The following DNAAF9 variants were observed in gnomAD, a reference collection of about 807,000 sequenced individuals.
DNAAF9 encodes the protein shulin.
A neutral mutation model predicts 167.0 loss-of-function variants in DNAAF9; 90 were observed. The ratio of observed to expected loss-of-function variants is 0.54; its 90% CI spans 0.45 to 0.64. The LOEUF (loss-of-function observed/expected upper bound fraction) is 0.64, where lower values mean the gene tolerates loss of function less well. DNAAF9 is among the 30% of genes least tolerant of loss of function. The probability of loss-of-function intolerance (pLI) is 0.00; values close to 1 mark genes in which losing one functional copy is unlikely to be tolerated. For missense variants in DNAAF9, 1,315 were observed against 1,442.2 expected, an observed-to-expected ratio of 0.91 and a Z score of 1.43; for synonymous variants, 491 against 508.8, an observed-to-expected ratio of 0.96 and a Z score of 0.47.
chr20:3,296,126 G>A (rs2069072982), intron 23 of DNAAF9: 2 of 645,690 alleles, frequency 3.1e-6, no homozygotes, highest in Non-Finnish European at 6.0e-6. Flanking sequence ...ACATGTACAA[G>A]GTAAATTAGC....
At chr20:3,276,734 T>C (rs2068681235) in intron 29 of DNAAF9, among the ~76,000 whole-genome samples, 1 of 152,112 alleles carries the variant, frequency 6.6e-6, no homozygotes, top group Non-Finnish European at 1.5e-5. Flanking sequence ...GTGCCAATCA[T>C]CACACGGTGG....
At chr20:3,327,819 C>T (rs949368522) in intron 12 of DNAAF9, among the ~76,000 whole-genome samples, 7 of 152,180 alleles carry the variant, frequency 4.6e-5, no homozygotes, top group Admixed American at 3.9e-4. Flanking sequence ...GGCTCCTGCA[C>T]CACATGCAGG....
At chr20:3,272,637 T>C (rs998398906) in intron 29 of DNAAF9, among the ~76,000 whole-genome samples, 3 of 152,194 alleles carry the variant, frequency 2.0e-5, no homozygotes, top group African/African-American at 7.2e-5. Context: ...TCTCCCATTC[T>C]GAAAGATGTA....
intron 27 of DNAAF9, among the ~76,000 whole-genome samples, chr20:3,287,234 T>G (rs1376756707): frequency 1.3e-5 from 2 of 152,094 alleles, no homozygotes; most frequent in African/African-American, 2.4e-5. Context: ...CAGGGCATGG[T>G]GAAGCTGGAG....
intron 7 of DNAAF9, among the ~76,000 whole-genome samples, chr20:3,350,535 T>A (rs528523496): frequency 2.6e-5 from 4 of 152,128 alleles, no homozygotes. Flanking sequence ...ACTGAAGAGA[T>A]TTAGAAACAA....
chr20:3,333,493 T>C (rs186013462), intron 10 of DNAAF9, among the ~76,000 whole-genome samples: 14 of 152,336 alleles, frequency 9.2e-5, no homozygotes, highest in Admixed American at 9.2e-4. Flanking sequence ...TTCTATAACA[T>C]TGTGAATCCA....
chr20:3,296,892 C>G lies in DNAAF9; in HGVS notation c.1987G>C (p.Glu663Gln). The G allele has an allele frequency of 6.2e-7, 1 of 1,611,234 alleles. No individual in the cohort carries two copies. The highest frequency in any genetic ancestry group is 1.3e-5 in the African/African-American group (1 of 74,978). The part of the protein sequence containing the change: ...NSGISLKVIQ[E>Q]DGLSVEQKRL... ...TTTTGTTCCACAGATAATCCATCTT[C>G]CTGGATCACTTTTAAAGAGATCCCT... The change falls in exon 23 of 37, where the codon GAA becomes CAA. Residue 663 changes from glutamate to glutamine, a missense_variant. This residue lies in a region of DNAAF9 where 981 missense variants were observed against 1,012.5 expected (regional missense o/e 0.97). Coordinates refer to ENST00000252032, the MANE Select transcript of DNAAF9 (RefSeq NM_001009984.3).
At chr20:3,362,186 T>G (rs576602908) in intron 6 of DNAAF9, 1 of 1,432,248 alleles carries the variant, frequency 7.0e-7, no homozygotes, top group South Asian at 1.2e-5. Flanking sequence ...CCTGTCCATC[T>G]TGTAAGTGTC....
chr20:3,331,289 C>T (rs542307313), intron 11 of DNAAF9, among the ~76,000 whole-genome samples: 58 of 152,240 alleles, frequency 3.8e-4, no homozygotes, highest in African/African-American at 1.3e-3. Context: ...AACTTCGAGA[C>T]ATCAGTAAAC....
At chr20:3,349,525 T>C (rs1281701154) in intron 7 of DNAAF9, among the ~76,000 whole-genome samples, 1 of 152,188 alleles carries the variant, frequency 6.6e-6, no homozygotes, top group African/African-American at 2.4e-5. Flanking sequence ...GTTGAAGGAC[T>C]GGTTGACTTT....
intron 1 of DNAAF9, among the ~76,000 whole-genome samples, chr20:3,405,697 G>A (rs543691525): frequency 1.1e-4 from 17 of 152,152 alleles, no homozygotes; most frequent in Non-Finnish European, 2.1e-4. Context: ...AAAGCACATG[G>A]CCATGCTACT....
intron 1 of DNAAF9, among the ~76,000 whole-genome samples, chr20:3,406,052 C>G (rs1163139370): frequency 3.3e-5 from 5 of 152,156 alleles, no homozygotes; most frequent in Non-Finnish European, 4.4e-5. Flanking sequence ...CTGACAGATT[C>G]GAAGCAATTT....
rs190851156 is a variant in DNAAF9 at position 3,301,929 on chromosome 20, T to A, written c.1782+2511A>T. On this transcript the variant is annotated intron_variant, in intron 21 of 36. Coordinates refer to ENST00000252032, the MANE Select transcript of DNAAF9 (RefSeq NM_001009984.3). The stretch of plus-strand genomic sequence containing the variant: ...AAAAATTTGCCTTTTGAAATACTTT[T>A]AAAAAATTATATATATATATGTATA... Among the ~76,000 whole-genome samples, 1,148 of 151,994 alleles carry A rather than the reference T, an allele frequency of 7.6e-3. 5 individuals carry two copies. The highest frequency in any genetic ancestry group is 9.0e-3 in the Non-Finnish European group (609 of 67,988).
At chr20:3,257,036 G>C (rs1159439090) in intron 33 of DNAAF9, among the ~76,000 whole-genome samples, 2 of 152,040 alleles carry the variant, frequency 1.3e-5, no homozygotes, top group Non-Finnish European at 2.9e-5. Flanking sequence ...AACCAGTACA[G>C]CAGTGTTGCA....
At chr20:3,311,542 C>T (rs910427284) in intron 20 of DNAAF9, among the ~76,000 whole-genome samples, 2 of 152,134 alleles carry the variant, frequency 1.3e-5, no homozygotes, top group African/African-American at 4.8e-5. Context: ...CAAGCCACTG[C>T]ACCTAGCACA....
chr20:3,252,788 G>A (rs983079982), intron 36 of DNAAF9, 104 bp from the exon 37 acceptor site: 2 of 739,150 alleles, frequency 2.7e-6, no homozygotes, highest in East Asian at 2.5e-5. Context: ...CTGAGGAAGT[G>A]AGTGTCTGGC....
intron 20 of DNAAF9, among the ~76,000 whole-genome samples, chr20:3,310,333 A>AAAAAGAAAG (rs1555790608): frequency 9.4e-6 from 1 of 106,098 alleles, no homozygotes; most frequent in Non-Finnish European, 1.9e-5. Context: ...AAGAGAAAGA[A>AAAAAGAAAG]AAAGAAAGAA....
At chr20:3,328,028 AT>A (rs2069743737) in intron 12 of DNAAF9, among the ~76,000 whole-genome samples, 1 of 152,146 alleles carries the variant, frequency 6.6e-6, no homozygotes, top group Non-Finnish European at 1.5e-5. Context: ...ATGCAAAGAT[AT>A]CCCCCTCCTC....
At chr20:3,256,651 G>A (rs2068285984) in intron 33 of DNAAF9, among the ~76,000 whole-genome samples, 1 of 152,212 alleles carries the variant, frequency 6.6e-6, no homozygotes, top group African/African-American at 2.4e-5. Context: ...AGAAAAAAAA[G>A]GTTTATAGGT....
Sources: allele counts gnomAD v4.1 joint callset (sites outside exome capture counted in the v4.1 genomes callset), GRCh38; gene constraint gnomAD v4.1.1; regional missense constraint gnomAD v4.1.1; transcripts MANE v1.5; gene names NCBI Gene and HGNC (gene_info 2026-07-23, HGNC 2026-07-21).